Variants in KDM6B observed in about 807,000 individuals in gnomAD.
The protein encoded by KDM6B is lysine-specific demethylase 6B.
A neutral mutation model predicts 150.4 loss-of-function variants in KDM6B; 22 were observed. The ratio of observed to expected loss-of-function variants is 0.15; its 90% CI spans 0.10 to 0.21. KDM6B has a LOEUF of 0.21. Among genes scored for constraint, KDM6B ranks in the 10% least tolerant of loss-of-function variants. The pLI is 1.00. For synonymous variants in KDM6B, 1,148 were observed against 921.1 expected (o/e 1.25, Z -4.46); for missense variants, 1,984 against 2,234.3 (o/e 0.89, Z 2.26).
rs747515833 is a variant in KDM6B at position 7,852,479 on chromosome 17, C to A, written c.4469-16C>A. 1 of 1,605,790 alleles carries A rather than the reference C, an allele frequency of 6.2e-7. No homozygotes were observed. The highest frequency in any genetic ancestry group is 8.5e-7 in the Non-Finnish European group (1 of 1,176,332). On this transcript the variant is annotated splice_polypyrimidine_tract_variant and intron_variant, in intron 20 of 23. Coordinates refer to ENST00000448097, the MANE Select transcript of KDM6B (RefSeq NM_001348716.2). ...GGCTGTTTGAGAGTCCTGTTGTGAT[C>A]GCCTTTGGCCCGCAGCCTATCAGTA...
rs2078747252 is a variant in KDM6B at position 7,853,503 on chromosome 17, A to G, written c.4914A>G (p.Pro1638=). The G allele has an allele frequency of 1.3e-6, 2 of 1,507,482 alleles. No individual in the cohort carries two copies. The highest frequency in any genetic ancestry group is 1.8e-6 in the Non-Finnish European group (2 of 1,135,284). The allele number at this position is 1,507,482 out of a possible 1,614,324, so 93.4% of individuals were successfully genotyped here. A position where few individuals can be genotyped will look rare whatever the true frequency, so the allele number is the denominator to read the frequency against. ...CGCCGGCTTTCTCCCCCCAGGCCCC[A>G]GCCAGCACGTCGCGATGAGGCCGGA... ...AQAYDAFTLA[P]ASTSR Residue 1638 remains proline (P), a synonymous_variant, in exon 24 of 24, where the codon CCA becomes CCG. Coordinates refer to ENST00000448097, the MANE Select transcript of KDM6B (RefSeq NM_001348716.2).
rs1419685066 is a variant in KDM6B, at chr17:7,834,359, G to C, written c.-388+9G>C. Among the ~76,000 whole-genome samples, 2 of 152,082 alleles carry C rather than the reference G, an allele frequency of 1.3e-5. No individual in the cohort carries two copies. Among genetic ancestry groups the C allele is most frequent in the Non-Finnish European group, 2.9e-5 (2 of 68,004 alleles). On this transcript the variant is annotated intron_variant, in intron 1 of 23. Transcript: ENST00000448097. ...ACCCCCCCCAGAACCAGGTAACGGG[G>C]AGCCGCGAGGACGTCTGTAAAGAGG...
At chr17:7,836,837 G>A (rs1017623915) in intron 1 of KDM6B, among the ~76,000 whole-genome samples, 2 of 152,168 alleles carry the variant, frequency 1.3e-5, no homozygotes, top group African/African-American at 4.8e-5. Context: ...AGGGGTCAAA[G>A]GTCTGTGTTA....
chr17:7,847,221 A>G lies in KDM6B; in HGVS notation c.1026A>G (p.Pro342=). The part of the protein sequence containing the change: ...AAPPGPGPRP[P]GAESHGCLPA... ...CCCCAGGCCCAGGCCCCCGCCCCCCAGGAGCAGAGAGCCATGGCTGCCTGC... is the reference window on the plus strand; with the variant it reads ...CCCCAGGCCCAGGCCCCCGCCCCCCGGGAGCAGAGAGCCATGGCTGCCTGC... The change falls in exon 11 of 24, where the codon CCA becomes CCG. Residue 342 remains proline, a synonymous_variant. Transcript: ENST00000448097. The G allele has an allele frequency of 2.1e-6, 1 of 471,876 alleles. No homozygotes were observed. The highest frequency in any genetic ancestry group is 3.0e-6 in the Non-Finnish European group (1 of 330,144). The allele number at this position is 471,876 out of a possible 1,614,324, so 29.2% of individuals were successfully genotyped here. A position where few individuals can be genotyped will look rare whatever the true frequency, so the allele number is the denominator to read the frequency against.
In KDM6B at chr17:7,847,264, GGA is replaced by G. The variant is rs1567792353; in HGVS notation, c.1070_1071del (p.Gly357GlufsTer2). 6.6e-7 allele frequency: 1 copy of G among 1,503,966 alleles called. No homozygotes were observed. The highest frequency in any genetic ancestry group is 8.9e-7 in the Non-Finnish European group (1 of 1,124,864). 93.2% of individuals were successfully genotyped at this position (1,503,966 alleles called of 1,614,324 possible). The stretch of plus-strand genomic sequence containing the variant: ...CTGCCTGCCTGCCACCCGTCCCCCC[GGA>G]AGTGACCTTAGAGAGAGCAGAGTTC... ...HGCLPATRPP[G>X]SDLRESRVQR... On this transcript the variant is annotated frameshift_variant, in exon 11 of 24. Coordinates refer to ENST00000448097, the MANE Select transcript of KDM6B (RefSeq NM_001348716.2). LOFTEE classifies it high-confidence loss of function.
chr17:7,852,784 C>T (rs1231549681), intron 21 of KDM6B, 148 bp downstream of exon 21: 7 of 1,309,818 alleles, frequency 5.3e-6, no homozygotes, highest in Admixed American at 1.8e-5. Flanking sequence ...TAACTAGGTC[C>T]TTGCTGTCAT....
At position 7,847,105 on chromosome 17, in the gene KDM6B, G is replaced by C; in HGVS notation, c.910G>C (p.Glu304Gln). 6.2e-7 allele frequency: 1 copy of C among 1,612,318 alleles called. No homozygotes were observed. Among genetic ancestry groups the C allele is most frequent in the Non-Finnish European group, 8.5e-7 (1 of 1,179,588 alleles). Residue 304 changes from glutamate (E) to glutamine (Q), a missense_variant and splice_region_variant, in exon 11 of 24, where the codon GAG becomes CAG. Physicochemically the swap from Glu to Gln is conservative, Grantham distance 29. Coordinates refer to ENST00000448097, the MANE Select transcript of KDM6B (RefSeq NM_001348716.2). ...RKGSAPPERQ[E>Q]QRHSLPHPYP... The stretch of plus-strand genomic sequence containing the variant: ...CTGCATCCCTGTTTATCTCCTATAG[G>C]AGCAGCGGCACTCGCTGCCTCACCC...
Position 7,843,098 on chromosome 17 carries a change from A to G in KDM6B, c.-268-1803A>G, listed in dbSNP as rs568205152. Among the ~76,000 whole-genome samples the G allele has an allele frequency of 3.8e-4, 58 of 152,202 alleles. No homozygotes were observed. The highest frequency in any genetic ancestry group is 1.4e-3 in the African/African-American group (57 of 41,502). On this transcript the variant is annotated intron_variant, in intron 2 of 23. Coordinates refer to ENST00000448097, the MANE Select transcript of KDM6B (RefSeq NM_001348716.2). The surrounding 1 kb of genome is among the most constrained non-coding windows in gnomAD (Gnocchi z 4.5). ...GAAAGCTGAGTCAGTTCCCCGTGGG[A>G]AAGGGGAAGTGGCAGAGGGGAAGTG... is the stretch of plus-strand genomic sequence containing the variant.
rs1449430124 is a variant in KDM6B at position 7,834,602 on chromosome 17, T to C, written c.-388+252T>C. Among the ~76,000 whole-genome samples, 4 of 146,858 alleles carry C rather than the reference T, an allele frequency of 2.7e-5. No individual in the cohort carries two copies. In the East Asian group the frequency reaches 8.0e-4, roughly 29 times the overall value. ...GGCCTGAAAGGACTCCCCGTTCCCCTTGGGCTGGGATTCCCCTTCCCGACT... is the reference window on the plus strand; with the variant it reads ...GGCCTGAAAGGACTCCCCGTTCCCCCTGGGCTGGGATTCCCCTTCCCGACT... On this transcript the variant is annotated intron_variant, in intron 1 of 23. Transcript: ENST00000448097.
At chr17:7,840,131 A>C (rs1367415434) in intron 2 of KDM6B, 107 bp downstream of exon 2, 1 of 152,656 alleles carries the variant, frequency 6.6e-6, no homozygotes, top group Non-Finnish European at 1.5e-5. Context: ...AGAATGGTCC[A>C]GTCCAATTCT....
chr17:7,846,337 T>C, intron 7 of KDM6B, 40 bp downstream of exon 7: 1 of 1,585,354 alleles, frequency 6.3e-7, no homozygotes, highest in South Asian at 1.1e-5. Context: ...ATTGTACGAT[T>C]GTGCCTTCTG....
At position 7,847,694 on chromosome 17, in the gene KDM6B, C is replaced by CA; in HGVS notation, c.1406_1407insA (p.Pro470SerfsTer40). 1 of 1,535,666 alleles carries CA rather than the reference C, an allele frequency of 6.5e-7. No individual in the cohort carries two copies. Among genetic ancestry groups the CA allele is most frequent in the Non-Finnish European group, 8.8e-7 (1 of 1,135,244 alleles). ...CTGCCACCTGGACCTTCCTCACCCC[C>CA]TCCACCCCCCTGTCCCCGCCTCTTA... On this transcript the variant is annotated frameshift_variant, in exon 12 of 24. Transcript: ENST00000448097. LOFTEE classifies it high-confidence loss of function.
At chr17:7,845,165 T>G in intron 3 of KDM6B, 145 bp downstream of exon 3, 4 of 341,976 alleles carry the variant, frequency 1.2e-5, no homozygotes, top group South Asian at 5.0e-5. Context: ...CTCTAGGGAG[T>G]GGTTGGGCCG....
chr17:7,837,634 C>T (rs1311397353), intron 1 of KDM6B, among the ~76,000 whole-genome samples: 4 of 152,188 alleles, frequency 2.6e-5, no homozygotes, highest in African/African-American at 7.2e-5. Flanking sequence ...GAGGTCAGAA[C>T]CTCTCTGAGC....
In KDM6B at chr17:7,854,532, CTTTTT is replaced by C. The variant is rs2078773260; in HGVS notation, c.*1012_*1016del. 1 of 152,634 alleles carries C rather than the reference CTTTTT, an allele frequency of 6.6e-6. No homozygotes were observed. The highest frequency in any genetic ancestry group is 2.0e-4 in the South Asian group (1 of 4,972). 9.5% of individuals were successfully genotyped at this position (152,634 alleles called of 1,614,324 possible). ...CAGACCTTCACCCCCACCCCCTTTT[CTTTTT>C]AAGTGTGAAACAACCCAGGGCCAGG... On this transcript the variant is annotated 3_prime_UTR_variant, in exon 24 of 24. Transcript: ENST00000448097.
At position 7,848,814 on chromosome 17, in the gene KDM6B, A is replaced by G; in HGVS notation, c.2526A>G (p.Pro842=). ...CCACTCAGTATTCCCCTGGCCCCCC[A>G]TCAGGTGCTACCGCCCTGCCGCCCA... ...LPTTQYSPGP[P]SGATALPPTS... Residue 842 remains proline, a synonymous_variant, in exon 12 of 24, where the codon CCA becomes CCG. Coordinates refer to ENST00000448097, the MANE Select transcript of KDM6B (RefSeq NM_001348716.2). 2 of 1,611,506 alleles carry G rather than the reference A, an allele frequency of 1.2e-6. No individual in the cohort carries two copies. Among genetic ancestry groups the G allele is most frequent in the Non-Finnish European group, 1.7e-6 (2 of 1,179,670 alleles).
Position 7,848,172 on chromosome 17 carries a change from C to A in KDM6B, c.1884C>A (p.Pro628=). 6.2e-7 allele frequency: 1 copy of A among 1,612,734 alleles called. No homozygotes were observed. The highest frequency in any genetic ancestry group is 8.5e-7 in the Non-Finnish European group (1 of 1,179,932). Residue 628 remains proline (P), a synonymous_variant, in exon 12 of 24, where the codon CCC becomes CCA. Transcript: ENST00000448097. ...GAAGCTTCAGGCGCCCGGAGAGCCCCCGGCCCAGGGTCTCCTTCCCAAAGA... is the reference window on the plus strand; with the variant it reads ...GAAGCTTCAGGCGCCCGGAGAGCCCACGGCCCAGGGTCTCCTTCCCAAAGA... The part of the protein sequence containing the change: ...TSGSFRRPES[P]RPRVSFPKTP...
At position 7,848,981 on chromosome 17, in the gene KDM6B, C is replaced by CCCCCCCCCCCCCAAAAAA; in HGVS notation, c.2693_2694insCCCCCCCCCCCCAAAAAA (p.Pro901_Leu902insProLysLysProProPro). 1.3e-6 allele frequency: 2 copies of CCCCCCCCCCCCCAAAAAA among 1,551,492 alleles called. No individual in the cohort carries two copies. Among genetic ancestry groups the CCCCCCCCCCCCCAAAAAA allele is most frequent in the Non-Finnish European group, 1.8e-6 (2 of 1,140,000 alleles). ...CCGGGCCCCATGACCCCCACCCAAC[C>CCCCCCCCCCCCCAAAAAA]GCCCCCACCCCTATCTCTGCCCCCT... On this transcript the variant is annotated inframe_insertion, in exon 12 of 24. Transcript: ENST00000448097.
At position 7,849,108 on chromosome 17, in the gene KDM6B, C is replaced by T; in HGVS notation, c.2820C>T (p.Asp940=). 2.5e-6 allele frequency: 4 copies of T among 1,612,492 alleles called. No homozygotes were observed. The highest frequency in any genetic ancestry group is 3.4e-6 in the Non-Finnish European group (4 of 1,179,900). ...RSATDPADPV[D]TAEPADSGTE... ...CCACTGACCCAGCCGACCCAGTGGA[C>T]ACAGCAGAGCCAGCGGACAGTGGGA... Residue 940 remains aspartate (D), a synonymous_variant, in exon 12 of 24, where the codon GAC becomes GAT. Coordinates refer to ENST00000448097, the MANE Select transcript of KDM6B (RefSeq NM_001348716.2).
Sources: gnomAD v4.1 joint callset for allele counts (sites outside exome capture counted in the v4.1 genomes callset) on GRCh38, gnomAD v4.1.1 for gene constraint, Gnocchi (gnomAD v3.1) non-coding constraint, MANE v1.5 for transcripts, NCBI Gene and HGNC (gene_info 2026-07-23, HGNC 2026-07-21) for gene names.